Variants in NRXN3 observed in about 807,000 individuals in gnomAD.
NRXN3 encodes neurexin 3.
Under a neutral mutation model 137.6 loss-of-function variants are expected in NRXN3, and 32 were observed. The ratio of observed to expected loss-of-function variants is 0.23; its 90% CI spans 0.18 to 0.31. The LOEUF (loss-of-function observed/expected upper bound fraction) is 0.31. Among genes scored for constraint, NRXN3 ranks in the 10% least tolerant of loss-of-function variants. The pLI, the probability that NRXN3 is intolerant of heterozygous loss-of-function variation, is 1.00. For synonymous variants in NRXN3, 798 were observed against 784.5 expected (o/e 1.02, Z -0.29); for missense variants, 1,574 against 2,062.5 (o/e 0.76, Z 4.59).
At chr14:78,817,935 T>G (rs1410625884) in intron 10 of NRXN3, among the ~76,000 whole-genome samples, 2 of 152,032 alleles carry the variant, frequency 1.3e-5, no homozygotes, top group Non-Finnish European at 2.9e-5. Flanking sequence ...ATAAACAAAG[T>G]TAATAGAGCT....
intron 4 of NRXN3, among the ~76,000 whole-genome samples, chr14:78,314,452 G>A (rs1188323170): frequency 2.6e-5 from 4 of 152,098 alleles, no homozygotes; most frequent in Admixed American, 6.6e-5. Flanking sequence ...GACACCTTCC[G>A]TCCTGTAGCT....
intron 19 of NRXN3, among the ~76,000 whole-genome samples, chr14:79,765,727 T>G (rs971058269): frequency 4.6e-5 from 7 of 152,232 alleles, no homozygotes; most frequent in African/African-American, 1.7e-4. Context: ...TCTCTGCTTA[T>G]GAAATATGAG....
chr14:78,320,377 C>T (rs540444782), intron 4 of NRXN3, among the ~76,000 whole-genome samples: 3 of 152,282 alleles, frequency 2.0e-5, no homozygotes, highest in East Asian at 1.9e-4. Flanking sequence ...GTCCTGGAAG[C>T]GTGGAGTGGG....
At chr14:78,879,369 T>A (rs1180434837) in intron 10 of NRXN3, among the ~76,000 whole-genome samples, 1 of 152,186 alleles carries the variant, frequency 6.6e-6, no homozygotes, top group East Asian at 1.9e-4. Flanking sequence ...CTAATACTTA[T>A]CTTTTATCTT....
intron 19 of NRXN3, among the ~76,000 whole-genome samples, chr14:79,801,539 C>T (rs557515529): frequency 6.6e-5 from 10 of 152,302 alleles, no homozygotes; most frequent in African/African-American, 1.4e-4. Context: ...AACTAAGTGA[C>T]GTGTGTGCAC....
chr14:78,713,738 A>G (rs563304561), intron 7 of NRXN3, among the ~76,000 whole-genome samples: 1 of 152,310 alleles, frequency 6.6e-6, no homozygotes, highest in East Asian at 1.9e-4. Context: ...TGGCAGCAGG[A>G]GAGAGAGAAG....
rs35666988 is a variant in NRXN3, at chr14:79,745,020, GAA to G, written c.4014+47097_4014+47098del. 9.0e-3 allele frequency among the ~76,000 whole-genome samples: 960 copies of G among 106,922 alleles called. 13 individuals are homozygous for G. Among genetic ancestry groups the G allele is most frequent in the East Asian group, 0.077 (218 of 2,816 alleles). 70.1% of individuals were successfully genotyped at this position (106,922 alleles called of 152,430 possible). On this transcript the variant is annotated intron_variant, in intron 19 of 20. Coordinates refer to ENST00000335750, the MANE Select transcript of NRXN3 (RefSeq NM_001330195.2). ...AAGTTGAATATAAGTCATATCTTTA[GAA>G]AAAAAAAAAAAAAGCAGGTAGAAAG... is the stretch of plus-strand genomic sequence containing the variant.
intron 8 of NRXN3, among the ~76,000 whole-genome samples, chr14:78,785,767 A>G (rs574043414): frequency 1.3e-5 from 2 of 152,122 alleles, no homozygotes; most frequent in African/African-American, 2.4e-5. Flanking sequence ...CTTAATACCT[A>G]CCCCACAATC....
In NRXN3 at chr14:79,114,699, T is replaced by C. The variant is rs561589043; in HGVS notation, c.3262+126558T>C. ...TAACAGGTTGTTGAGAACAACCTGGTCAATATTTTGGAGAGATGAGGACTT... is the reference window on the plus strand; with the variant it reads ...TAACAGGTTGTTGAGAACAACCTGGCCAATATTTTGGAGAGATGAGGACTT... On this transcript the variant is annotated intron_variant, in intron 15 of 20. Transcript: ENST00000335750. Among the ~76,000 whole-genome samples the C allele has an allele frequency of 7.2e-5, 11 of 152,258 alleles. 1 individual carries two copies. The South Asian group carries it at 1.9e-3, about 26-fold the overall frequency.
chr14:78,319,467 A>T (rs113575653), intron 4 of NRXN3, among the ~76,000 whole-genome samples: 1 of 152,130 alleles, frequency 6.6e-6, no homozygotes, highest in Non-Finnish European at 1.5e-5. Context: ...AATCATCACC[A>T]TGAGGACACA....
chr14:78,228,359 G>T (rs2064960920), intron 1 of NRXN3, among the ~76,000 whole-genome samples: 1 of 152,088 alleles, frequency 6.6e-6, no homozygotes. Context: ...GTTTCACCAT[G>T]TTAGCAGGGG....
intron 2 of NRXN3, among the ~76,000 whole-genome samples, chr14:78,259,932 A>G (rs1422798209): frequency 6.6e-6 from 1 of 152,192 alleles, no homozygotes; most frequent in Non-Finnish European, 1.5e-5. Context: ...TTTTCTAAGC[A>G]GAAGAGACTG....
chr14:79,597,231 T>C (rs1214991414), intron 16 of NRXN3, among the ~76,000 whole-genome samples: 1 of 152,192 alleles, frequency 6.6e-6, no homozygotes, highest in Non-Finnish European at 1.5e-5. Flanking sequence ...TTTTTTTTCC[T>C]AGCAGAAAAA....
chr14:79,397,235 C>T (rs1390869019), intron 15 of NRXN3, among the ~76,000 whole-genome samples: 1 of 152,110 alleles, frequency 6.6e-6, no homozygotes, highest in African/African-American at 2.4e-5. Context: ...AAAACTCATC[C>T]CTGCATGTGA....
chr14:79,803,759 G>T (rs1260490585), intron 19 of NRXN3, among the ~76,000 whole-genome samples: 2 of 151,818 alleles, frequency 1.3e-5, no homozygotes, highest in Non-Finnish European at 2.9e-5. Flanking sequence ...TTCCCACTAT[G>T]TGTTTTACTA....
chr14:79,100,469 T>G (rs1264397765), intron 15 of NRXN3, among the ~76,000 whole-genome samples: 1 of 152,224 alleles, frequency 6.6e-6, no homozygotes, highest in African/African-American at 2.4e-5. Flanking sequence ...AAATGATCCA[T>G]CCAGGTGATT....
intron 6 of NRXN3, among the ~76,000 whole-genome samples, chr14:78,677,562 CT>C (rs2098022231): frequency 2.0e-5 from 3 of 152,126 alleles, no homozygotes; most frequent in Admixed American, 2.0e-4. Context: ...GGAATCCACT[CT>C]TGGTAAAGAT....
intron 15 of NRXN3, among the ~76,000 whole-genome samples, chr14:79,308,844 CTT>C (rs34580008): frequency 8.1e-4 from 72 of 89,386 alleles, no homozygotes; most frequent in African/African-American, 2.4e-3. Context: ...GGGAAGCATT[CTT>C]TTTTTTTTTT....
At chr14:79,165,117 G>T (rs1163078067) in intron 15 of NRXN3, among the ~76,000 whole-genome samples, 2 of 151,960 alleles carry the variant, frequency 1.3e-5, no homozygotes, top group African/African-American at 4.8e-5. Flanking sequence ...TGGTTGAGTT[G>T]CAAATGGTTA....
Sources: gnomAD v4.1 joint callset for allele counts (sites outside exome capture counted in the v4.1 genomes callset) on GRCh38, gnomAD v4.1.1 for gene constraint, MANE v1.5 for transcripts, NCBI Gene and HGNC (gene_info 2026-07-23, HGNC 2026-07-21) for gene names.